Variants in CYREN observed in about 807,000 individuals in gnomAD.
CYREN encodes the protein cell cycle regulator of non-homologous end joining.
A neutral mutation model predicts 9.7 loss-of-function variants in CYREN; 7 were observed. The observed-to-expected ratio is 0.72, with a 90% CI of 0.41 to 1.36. The LOEUF is 1.36. Ranked by LOEUF, CYREN falls within the 40% of genes most tolerant of loss-of-function variation. The pLI is 0.01. For synonymous variants in CYREN, 76 were observed against 77.9 expected (o/e 0.98, Z 0.13); for missense variants, 215 against 198.1 (o/e 1.09, Z -0.51).
At chr7:135,128,975 G>A in intron 2 of CYREN, 1 of 1,587,508 alleles carries the variant, frequency 6.3e-7, no homozygotes, top group South Asian at 1.1e-5. Flanking sequence ...TGTACTTCTT[G>A]GAGTGCAGGC....
At chr7:135,124,994 G>T (rs1047334608) in intron 2 of CYREN, among the ~76,000 whole-genome samples, 2 of 152,090 alleles carry the variant, frequency 1.3e-5, no homozygotes, top group East Asian at 3.8e-4. Flanking sequence ...AAAAGAGCTA[G>T]AGAGGCAAGA....
rs765393192 is a variant in CYREN at position 135,166,930 on chromosome 7, A to T, written c.214-59T>A. On this transcript the variant is annotated intron_variant, in intron 3 of 3. Transcript: ENST00000393114. ...CGTGTTTTATTTCCCTAACATGCTG[A>T]TCTGTCAGTAACACAGGATGTATCT... 6.8e-4 allele frequency: 1,073 copies of T among 1,579,702 alleles called. 1 individual carries two copies. The highest frequency in any genetic ancestry group is 8.9e-4 in the Non-Finnish European group (1,031 of 1,161,398).
chr7:135,154,390 T>G (rs532667225), intron 2 of CYREN, among the ~76,000 whole-genome samples: 2 of 152,304 alleles, frequency 1.3e-5, no homozygotes, highest in Admixed American at 1.3e-4. Context: ...TTTTTTCTTT[T>G]CTGCTAACTT....
intron 2 of CYREN, among the ~76,000 whole-genome samples, chr7:135,121,130 G>A (rs1256498084): frequency 4.6e-5 from 7 of 152,116 alleles, no homozygotes; most frequent in East Asian, 1.9e-4. Context: ...ACTTGAACCC[G>A]GGAGGTGGAG....
chr7:135,134,162 A>G (rs969222430), intron 2 of CYREN, among the ~76,000 whole-genome samples: 8 of 152,108 alleles, frequency 5.3e-5, no homozygotes, highest in African/African-American at 7.2e-5. Flanking sequence ...CAATATCCTG[A>G]TTGTGATATT....
chr7:135,133,420 G>A (rs1198790364), intron 2 of CYREN, among the ~76,000 whole-genome samples: 1 of 152,114 alleles, frequency 6.6e-6, no homozygotes, highest in African/African-American at 2.4e-5. Context: ...TGTATATATA[G>A]ACAAGATTAT....
At chr7:135,099,512 A>G (rs1372589732) in intron 2 of CYREN, among the ~76,000 whole-genome samples, 2 of 152,184 alleles carry the variant, frequency 1.3e-5, no homozygotes, top group East Asian at 1.9e-4. Flanking sequence ...TTTATGGTAT[A>G]TTCTCTTTTT....
intron 2 of CYREN, among the ~76,000 whole-genome samples, chr7:135,104,060 C>T (rs1585134323): frequency 1.3e-5 from 2 of 152,108 alleles, no homozygotes; most frequent in Admixed American, 1.3e-4. Context: ...GATCCTCTCC[C>T]TCCTCCCACC....
chr7:135,116,991 G>T (rs1826411962), intron 2 of CYREN, among the ~76,000 whole-genome samples: 2 of 152,148 alleles, frequency 1.3e-5, no homozygotes, highest in Non-Finnish European at 2.9e-5. Flanking sequence ...CCATTGTGTT[G>T]TTCCTTTGTT....
chr7:135,111,530 T>A (rs1825634374), intron 2 of CYREN, among the ~76,000 whole-genome samples: 1 of 152,126 alleles, frequency 6.6e-6, no homozygotes, highest in South Asian at 2.1e-4. Context: ...CATCCAGTTA[T>A]CTAAGTAATA....
intron 2 of CYREN, among the ~76,000 whole-genome samples, chr7:135,157,579 A>T (rs975579087): frequency 6.6e-6 from 1 of 152,096 alleles, no homozygotes; most frequent in African/African-American, 2.4e-5. Context: ...TAGTAGTGGG[A>T]GTGGTGAGCC....
chr7:135,111,064 C>T (rs1825568432), intron 2 of CYREN, among the ~76,000 whole-genome samples: 1 of 152,212 alleles, frequency 6.6e-6, no homozygotes, highest in Non-Finnish European at 1.5e-5. Flanking sequence ...TAACATCTCC[C>T]CTTTACCCTC....
chr7:135,093,057 CA>C (rs1038061594), exon 3 of CYREN: 2 of 150,684 alleles, frequency 1.3e-5, no homozygotes, highest in Admixed American at 6.6e-5. Flanking sequence ...AAGCCATCTT[CA>C]AAAATCCTGC....
At chr7:135,164,322 G>T, downstream of CYREN, 1 of 1,037,334 alleles carries the variant, frequency 9.6e-7, no homozygotes, top group South Asian at 1.6e-5. Context: ...AACTTGCCAT[G>T]AGTTTGTAAG....
At chr7:135,134,750 GAA>G in intron 2 of CYREN, 1 of 1,218,790 alleles carries the variant, frequency 8.2e-7, no homozygotes, top group Non-Finnish European at 1.1e-6. Flanking sequence ...TTACTAAAAG[GAA>G]AAATATTATT....
At chr7:135,140,351 T>G (rs73153780) in intron 2 of CYREN, among the ~76,000 whole-genome samples, 10,377 of 152,184 alleles carry the variant, frequency 0.068, 428 homozygotes, top group East Asian at 0.19. Context: ...ATTCCTGATT[T>G]GGTTCTCAGC....
chr7:135,126,880 A>G (rs778105610), intron 2 of CYREN, among the ~76,000 whole-genome samples: 10 of 152,246 alleles, frequency 6.6e-5, no homozygotes, highest in Non-Finnish European at 1.2e-4. Context: ...AAGATGGATT[A>G]AAGACTTAAA....
intron 2 of CYREN, among the ~76,000 whole-genome samples, chr7:135,154,262 T>A (rs1460086665): frequency 6.6e-6 from 1 of 152,226 alleles, no homozygotes; most frequent in African/African-American, 2.4e-5. Context: ...TTGTCTATCT[T>A]TTCAAATAAT....
downstream of CYREN, among the ~76,000 whole-genome samples, chr7:135,163,082 C>T (rs1039504779): frequency 1.3e-5 from 2 of 152,184 alleles, no homozygotes; most frequent in East Asian, 3.8e-4. Context: ...AGCGTCTTCA[C>T]TTATAATGGT....
Sources: gnomAD v4.1 joint callset for allele counts (sites outside exome capture counted in the v4.1 genomes callset) on GRCh38, gnomAD v4.1.1 for gene constraint, MANE v1.5 for transcripts, NCBI Gene and HGNC (gene_info 2026-07-23, HGNC 2026-07-21) for gene names.